GALNT13: variants seen among roughly 807,000 people sequenced by gnomAD.
GALNT13 encodes polypeptide N-acetylgalactosaminyltransferase 13, also known as UDP-GalNAc:polypeptide N-acetylgalactosaminyltransferase 13.
A neutral mutation model predicts 64.2 loss-of-function variants in GALNT13; 28 were observed. The ratio of observed to expected loss-of-function variants is 0.44; its 90% confidence interval spans 0.32 to 0.60. GALNT13 has a LOEUF of 0.60. Ranked by LOEUF, GALNT13 falls within the 20% of genes least tolerant of loss-of-function variation. GALNT13 has a pLI of 0.05. For synonymous variants in GALNT13, 214 were observed against 224.6 expected (o/e 0.95, Z 0.42); for missense variants, 577 against 669.8 (o/e 0.86, Z 1.53).
At chr2:154,267,821 G>A (rs1442974822) in intron 8 of GALNT13, among the ~76,000 whole-genome samples, 2 of 152,082 alleles carry the variant, frequency 1.3e-5, no homozygotes, top group African/African-American at 2.4e-5. Flanking sequence ...AATAAAAAAT[G>A]AGCAAAATAA....
rs552729417 is a variant in GALNT13 at position 154,363,915 on chromosome 2, C to T, written c.1157-32076C>T. On this transcript the variant is annotated intron_variant, in intron 9 of 12. Transcript: ENST00000392825. ...ATCCCTGTATAGCCTTGAGATGAAA[C>T]TATCTAGGGGGTCTAAAAAATGAAA... Among the ~76,000 whole-genome samples, 5 of 152,286 alleles carry T rather than the reference C, an allele frequency of 3.3e-5. No individual in the cohort carries two copies. In the South Asian group the frequency reaches 6.2e-4, roughly 19 times the overall value.
the GALNT13 span, among the ~76,000 whole-genome samples, chr2:153,076,730 C>T: frequency 6.6e-6 from 1 of 151,950 alleles, no homozygotes; most frequent in Non-Finnish European, 1.5e-5. Flanking sequence ...TCTCATTATA[C>T]TCTAAGTTTC....
At chr2:153,216,944 A>G in the GALNT13 span, among the ~76,000 whole-genome samples, 1 of 151,952 alleles carries the variant, frequency 6.6e-6, no homozygotes, top group South Asian at 2.1e-4. Flanking sequence ...TTTTACATTT[A>G]GTTCTATGAT....
the GALNT13 span, among the ~76,000 whole-genome samples, chr2:153,814,152 A>G: frequency 6.6e-6 from 1 of 152,210 alleles, no homozygotes. Context: ...CTTAGTTAAA[A>G]CAATTTGGCC....
the GALNT13 span, among the ~76,000 whole-genome samples, chr2:153,585,309 A>AT: frequency 0.014 from 2,082 of 152,268 alleles, 48 homozygotes; most frequent in African/African-American, 0.048. Context: ...TCAACAACGG[A>AT]TTTGACCAAG....
At chr2:154,113,928 G>A (rs1478879690) in intron 3 of GALNT13, among the ~76,000 whole-genome samples, 1 of 152,198 alleles carries the variant, frequency 6.6e-6, no homozygotes, top group Admixed American at 6.5e-5. Context: ...GGTACCAGGA[G>A]ATGTGTTAAT....
At chr2:154,449,045 G>A (rs1459460840) in intron 12 of GALNT13, among the ~76,000 whole-genome samples, 3 of 151,800 alleles carry the variant, frequency 2.0e-5, no homozygotes, top group Admixed American at 6.6e-5. Context: ...ATTTTTTCAA[G>A]CTGGCTACTG....
chr2:153,349,772 G>T, the GALNT13 span, among the ~76,000 whole-genome samples: 1 of 151,790 alleles, frequency 6.6e-6, no homozygotes, highest in Non-Finnish European at 1.5e-5. Flanking sequence ...GTGGATGCAG[G>T]GCGTTTCTCT....
chr2:153,481,227 G>A, the GALNT13 span, among the ~76,000 whole-genome samples: 2 of 151,880 alleles, frequency 1.3e-5, no homozygotes. Context: ...ACATATAGAT[G>A]GAAATTAATT....
chr2:154,199,437 TCAAA>T (rs925308221), intron 4 of GALNT13, among the ~76,000 whole-genome samples: 3 of 152,038 alleles, frequency 2.0e-5, no homozygotes, highest in African/African-American at 7.2e-5. Context: ...TTGTATATAA[TCAAA>T]CAGAGCACAA....
At chr2:153,241,457 C>A in the GALNT13 span, among the ~76,000 whole-genome samples, 16 of 152,230 alleles carry the variant, frequency 1.1e-4, no homozygotes, top group South Asian at 2.1e-4. Flanking sequence ...AAATTGAGAA[C>A]CTTTTGCCTA....
At chr2:153,255,467 A>G in the GALNT13 span, among the ~76,000 whole-genome samples, 2 of 147,516 alleles carry the variant, frequency 1.4e-5, no homozygotes, top group African/African-American at 2.5e-5. Context: ...TAGTCCATTT[A>G]CATTTAAAGT....
chr2:153,108,485 A>G, the GALNT13 span, among the ~76,000 whole-genome samples: 1 of 152,106 alleles, frequency 6.6e-6, no homozygotes, highest in African/African-American at 2.4e-5. Flanking sequence ...ATATTCAGGA[A>G]CTTGGGAATG....
chr2:153,708,016 G>T, the GALNT13 span, among the ~76,000 whole-genome samples: 5 of 152,040 alleles, frequency 3.3e-5, no homozygotes, highest in Non-Finnish European at 5.9e-5. Context: ...ACAATGAGGA[G>T]AATGGATTCA....
At chr2:153,403,806 C>T in the GALNT13 span, among the ~76,000 whole-genome samples, 2 of 152,130 alleles carry the variant, frequency 1.3e-5, no homozygotes, top group African/African-American at 4.8e-5. Flanking sequence ...GTGTGCTCAC[C>T]CACTGACCTG....
intron 3 of GALNT13, among the ~76,000 whole-genome samples, chr2:153,984,338 A>G (rs1694657390): frequency 6.6e-6 from 1 of 151,718 alleles, no homozygotes; most frequent in South Asian, 2.1e-4. Context: ...CTTGTATTTG[A>G]AAGTGTATTT....
the GALNT13 span, among the ~76,000 whole-genome samples, chr2:153,737,649 G>A: frequency 1.8e-4 from 27 of 151,904 alleles, no homozygotes; most frequent in Admixed American, 7.9e-4. Context: ...TCATCGTCTC[G>A]TAGTTTTGTT....
At chr2:154,297,389 TCA>T (rs1274488454) in intron 8 of GALNT13, among the ~76,000 whole-genome samples, 1 of 152,146 alleles carries the variant, frequency 6.6e-6, no homozygotes, top group Non-Finnish European at 1.5e-5. Context: ...AATTACTGCC[TCA>T]CATATGGCCT....
At chr2:154,227,171 A>T (rs1490331285) in intron 4 of GALNT13, among the ~76,000 whole-genome samples, 1 of 151,982 alleles carries the variant, frequency 6.6e-6, no homozygotes, top group African/African-American at 2.4e-5. Context: ...CTGCACAAAG[A>T]CACCAGCTGA....
Sources: gnomAD v4.1 joint callset for allele counts (sites outside exome capture counted in the v4.1 genomes callset) on GRCh38, gnomAD v4.1.1 for gene constraint, MANE v1.5 for transcripts, NCBI Gene and HGNC (gene_info 2026-07-23, HGNC 2026-07-21) for gene names.